FGF10: variants seen among roughly 807,000 people sequenced by gnomAD.
The protein encoded by FGF10 is fibroblast growth factor 10.
FGF10 carries 2 observed loss-of-function variants against 19.8 expected under a neutral mutation model. The ratio of observed to expected loss-of-function variants is 0.10; its 90% CI spans 0.04 to 0.32. The LOEUF (loss-of-function observed/expected upper bound fraction) is 0.32. FGF10 is among the 10% of genes least tolerant of loss of function. The pLI is 1.00. For synonymous variants in FGF10, 112 were observed against 94.0 expected, an observed-to-expected ratio of 1.19 and a Z score of -1.10; for missense variants, 191 against 246.3, an observed-to-expected ratio of 0.78 and a Z score of 1.50.
chr5:44,363,680 T>C (rs556743899), intron 1 of FGF10, among the ~76,000 whole-genome samples: 1 of 152,052 alleles, frequency 6.6e-6, no homozygotes, highest in African/African-American at 2.4e-5. Flanking sequence ...TCTTTCTTCA[T>C]TGAAACAGCC....
intron 1 of FGF10, among the ~76,000 whole-genome samples, chr5:44,355,544 C>T (rs1022516196): frequency 6.0e-5 from 9 of 150,922 alleles, no homozygotes; most frequent in African/African-American, 1.9e-4. Flanking sequence ...GTACCATTTA[C>T]TAAGAAAGCA....
intron 1 of FGF10, among the ~76,000 whole-genome samples, chr5:44,359,736 G>A (rs2063243889): frequency 6.6e-6 from 1 of 151,348 alleles, no homozygotes; most frequent in African/African-American, 2.4e-5. Flanking sequence ...GGATACAAGT[G>A]GAATTTTGTT....
At chr5:44,379,985 A>G (rs1741950883) in intron 1 of FGF10, among the ~76,000 whole-genome samples, 1 of 152,172 alleles carries the variant, frequency 6.6e-6, no homozygotes, top group Non-Finnish European at 1.5e-5. Context: ...ATTTTTGTTC[A>G]TCAAGTTTTT....
intron 1 of FGF10, among the ~76,000 whole-genome samples, chr5:44,340,831 GAAAAAAA>G (rs919045010): frequency 2.7e-5 from 3 of 113,062 alleles, no homozygotes; most frequent in African/African-American, 6.5e-5. Flanking sequence ...TTGCTCAAAA[GAAAAAAA>G]AAAAAGAAAA....
chr5:44,374,947 C>A (rs1361804734), intron 1 of FGF10, among the ~76,000 whole-genome samples: 1 of 151,920 alleles, frequency 6.6e-6, no homozygotes, highest in Non-Finnish European at 1.5e-5. Flanking sequence ...ATAATGATAG[C>A]CCTACTAACT....
chr5:44,318,991 T>A (rs1740419646), intron 1 of FGF10, among the ~76,000 whole-genome samples: 1 of 152,160 alleles, frequency 6.6e-6, no homozygotes, highest in South Asian at 2.1e-4. Flanking sequence ...CTGTTTCATA[T>A]CCAATTCTCT....
intron 1 of FGF10, among the ~76,000 whole-genome samples, chr5:44,340,741 T>C (rs967094148): frequency 1.3e-5 from 2 of 151,734 alleles, no homozygotes; most frequent in African/African-American, 4.8e-5. Flanking sequence ...CCTTTTTTTC[T>C]AGGAATTTAA....
At chr5:44,387,529 G>A (rs1438285144) in intron 1 of FGF10, among the ~76,000 whole-genome samples, 1 of 152,186 alleles carries the variant, frequency 6.6e-6, no homozygotes, top group Non-Finnish European at 1.5e-5. Context: ...AGTCCCAGAT[G>A]TTTACAATGC....
intron 1 of FGF10, among the ~76,000 whole-genome samples, chr5:44,348,393 C>T (rs1045876928): frequency 9.2e-5 from 14 of 151,614 alleles, no homozygotes; most frequent in Non-Finnish European, 1.3e-4. Context: ...GGAGTAGTCT[C>T]ACCTAGTTCT....
chr5:44,340,497 A>C (rs972158296), intron 1 of FGF10, among the ~76,000 whole-genome samples: 2 of 152,160 alleles, frequency 1.3e-5, no homozygotes, highest in Non-Finnish European at 2.9e-5. Flanking sequence ...CAGCATGAAA[A>C]GAAGTGTTTA....
At chr5:44,332,607 G>A (rs1740760901) in intron 1 of FGF10, among the ~76,000 whole-genome samples, 1 of 152,130 alleles carries the variant, frequency 6.6e-6, no homozygotes, top group Non-Finnish European at 1.5e-5. Context: ...TAGTTAACAA[G>A]TTTGGTTAAA....
intron 1 of FGF10, among the ~76,000 whole-genome samples, chr5:44,327,122 C>A (rs1178117081): frequency 6.6e-6 from 1 of 152,136 alleles, no homozygotes; most frequent in Non-Finnish European, 1.5e-5. Flanking sequence ...CAGCCTGAGG[C>A]TGAATCCTCC....
At chr5:44,361,577 G>C (rs1328935174) in intron 1 of FGF10, among the ~76,000 whole-genome samples, 1 of 151,594 alleles carries the variant, frequency 6.6e-6, no homozygotes, top group African/African-American at 2.4e-5. Flanking sequence ...ATTTGGAAGG[G>C]GTCAGAGCAT....
chr5:44,357,089 A>T (rs1741365704), intron 1 of FGF10, among the ~76,000 whole-genome samples: 1 of 148,028 alleles, frequency 6.8e-6, no homozygotes, highest in Non-Finnish European at 1.5e-5. Flanking sequence ...TAGATCACCG[A>T]CACTACCTCC....
In FGF10 at chr5:44,388,605, C is replaced by T. The variant is rs768364731; in HGVS notation, c.78G>A (p.Leu26=). The T allele has an allele frequency of 6.2e-7, 1 of 1,614,064 alleles. No homozygotes were observed. The highest frequency in any genetic ancestry group is 1.1e-5 in the South Asian group (1 of 91,076). Residue 26 remains leucine (L), a synonymous_variant, in exon 1 of 3, where the codon TTG becomes TTA. Transcript: ENST00000264664. Reference sequence around the variant, plus strand: ...CAGGGACGGAAGACACCAAGAACAGCAACAAAAAGCAGCAGCAGCAGCAGC... The same window carrying T: ...CAGGGACGGAAGACACCAAGAACAGTAACAAAAAGCAGCAGCAGCAGCAGC... ...LPGCCCCCFL[L]LFLVSSVPVT... is the part of the protein sequence containing the mutation.
At chr5:44,374,364 T>C (rs1741808560) in intron 1 of FGF10, among the ~76,000 whole-genome samples, 1 of 152,148 alleles carries the variant, frequency 6.6e-6, no homozygotes. Flanking sequence ...TTGCAAAAAC[T>C]TTACAAATAC....
intron 1 of FGF10, among the ~76,000 whole-genome samples, chr5:44,325,836 C>T (rs768259072): frequency 2.6e-5 from 4 of 151,702 alleles, no homozygotes; most frequent in Admixed American, 6.6e-5. Flanking sequence ...CAAACCTGCA[C>T]GTTGTGCACA....
At chr5:44,318,207 T>A (rs1176500607) in intron 1 of FGF10, among the ~76,000 whole-genome samples, 1 of 152,104 alleles carries the variant, frequency 6.6e-6, no homozygotes, top group Admixed American at 6.6e-5. Flanking sequence ...ACAGAAAAGT[T>A]AAGAAAAGAA....
rs1001942330 is a variant in FGF10 at position 44,321,059 on chromosome 5, A to T, written c.326-10529T>A. ...AGCAAACATTGAAGGACACCACTTC[A>T]TCAAATGTGTCTAAACTGAGAGCAT... On this transcript the variant is annotated intron_variant, in intron 1 of 2. Transcript: ENST00000264664. 2.0e-5 allele frequency among the ~76,000 whole-genome samples: 3 copies of T among 152,228 alleles called. No homozygotes were observed. In the East Asian group the frequency reaches 5.8e-4, roughly 29 times the overall value.
Sources: allele counts gnomAD v4.1 joint callset (sites outside exome capture counted in the v4.1 genomes callset), GRCh38; gene constraint gnomAD v4.1.1; transcripts MANE v1.5; gene names NCBI Gene and HGNC (gene_info 2026-07-23, HGNC 2026-07-21).